CRYAB: variants seen among roughly 807,000 people sequenced by gnomAD.
The protein encoded by CRYAB is alpha-crystallin B chain.
Under a neutral mutation model 12.7 loss-of-function variants are expected in CRYAB, and 9 were observed. The observed-to-expected ratio is 0.71, with a 90% CI of 0.43 to 1.24. CRYAB has a LOEUF of 1.24. Among genes scored for constraint, CRYAB ranks in the 50% most tolerant of loss-of-function variants. CRYAB has a pLI of 0.00. For synonymous variants in CRYAB, 93 were observed against 86.8 expected (o/e 1.07, Z -0.40); for missense variants, 183 against 226.6 (o/e 0.81, Z 1.24).
chr11:111,913,609 T>G, upstream of CRYAB: 1 of 1,614,072 alleles, frequency 6.2e-7, no homozygotes, highest in Non-Finnish European at 8.5e-7. Context: ...CCAGACGAGG[T>G]GACTGTGAGG....
intron 1 of CRYAB, 98 bp from the exon 2 acceptor site, chr11:111,910,547 G>T: frequency 6.9e-7 from 1 of 1,440,360 alleles, no homozygotes; most frequent in Non-Finnish European, 9.7e-7. Context: ...TTTCTGTCCG[G>T]GTAATTCATC....
In CRYAB at chr11:111,911,686, G is replaced by A. The variant is rs1332378151; in HGVS notation, c.39C>T (p.Pro13=). The A allele has an allele frequency of 1.2e-6, 2 of 1,603,056 alleles. No homozygotes were observed. The highest frequency in any genetic ancestry group is 1.7e-6 in the Non-Finnish European group (2 of 1,175,104). ...IAIHHPWIRR[P]FFPFHSPSRL... ...GGCTGGGGGAGTGGAAAGGAAAGAAGGGGCGGCGGATCCAGGGGTGGTGGA... is the reference window on the plus strand; with the variant it reads ...GGCTGGGGGAGTGGAAAGGAAAGAAAGGGCGGCGGATCCAGGGGTGGTGGA... Residue 13 remains proline, a synonymous_variant, in exon 1 of 3, where the codon CCC becomes CCT. Transcript: ENST00000650687.
At chr11:111,913,494 C>G, upstream of CRYAB, 1 of 1,613,428 alleles carries the variant, frequency 6.2e-7, no homozygotes, top group Non-Finnish European at 8.5e-7. Context: ...CTACTATGTC[C>G]GGCCTCGGGC....
chr11:111,912,681 T>TC (rs201659950), upstream of CRYAB: 8,786 of 228,436 alleles, frequency 0.038, 576 homozygotes, highest in African/African-American at 0.22. Flanking sequence ...TCCCAGCCCC[T>TC]CCCCCCCCAA....
chr11:111,908,581 T>G lies in CRYAB; in HGVS notation c.*183A>C. 1.6e-6 allele frequency: 1 copy of G among 615,552 alleles called. No homozygotes were observed. Among genetic ancestry groups the G allele is most frequent in the East Asian group, 2.8e-5 (1 of 35,260 alleles). The allele number at this position is 615,552 out of a possible 1,614,324, so 38.1% of individuals were successfully genotyped here. Reference sequence around the variant, plus strand: ...TAAATAGATCTGTGGTATCTGTATATTTATTTAAAAGTGTGTGGAATATTC... The same window carrying G: ...TAAATAGATCTGTGGTATCTGTATAGTTATTTAAAAGTGTGTGGAATATTC... On this transcript the variant is annotated 3_prime_UTR_variant, in exon 3 of 3. Transcript: ENST00000650687.
chr11:111,920,959 C>G (rs140436731), intron 1 of CRYAB, among the ~76,000 whole-genome samples: 2 of 102,630 alleles, frequency 1.9e-5, no homozygotes, highest in East Asian at 5.6e-4. Flanking sequence ...TTTTGAAGAG[C>G]AAAGGATATA....
At chr11:111,912,991 C>T (rs1265303744), upstream of CRYAB, 1 of 1,232,526 alleles carries the variant, frequency 8.1e-7, no homozygotes, top group East Asian at 2.6e-5. Flanking sequence ...GACCTCCCAA[C>T]GTTGCTGGCC....
At chr11:111,922,960 T>C (rs1324051877) in intron 1 of CRYAB, among the ~76,000 whole-genome samples, 2 of 152,254 alleles carry the variant, frequency 1.3e-5, no homozygotes, top group African/African-American at 4.8e-5. Flanking sequence ...ATCGCCTGTG[T>C]ATCTAAATGA....
intron 2 of CRYAB, chr11:111,909,385 A>C (rs1376188447): frequency 8.4e-6 from 3 of 357,542 alleles, no homozygotes; most frequent in Non-Finnish European, 1.6e-5. Flanking sequence ...GAAATTAAAA[A>C]AAAAAAAAAA....
upstream of CRYAB, among the ~76,000 whole-genome samples, chr11:111,916,568 A>G (rs1349981061): frequency 6.6e-6 from 1 of 152,184 alleles, no homozygotes; most frequent in Non-Finnish European, 1.5e-5. Flanking sequence ...TCCACATCAC[A>G]TATTACCCAG....
At chr11:111,912,704 T>G, upstream of CRYAB, 24 of 255,794 alleles carry the variant, frequency 9.4e-5, no homozygotes, top group Middle Eastern at 3.1e-3. Context: ...GGCTCGGCAC[T>G]ATTTTGGGTG....
upstream of CRYAB, chr11:111,913,024 T>C: frequency 1.2e-6 from 1 of 827,456 alleles, no homozygotes; most frequent in Non-Finnish European, 1.9e-6. Context: ...TGGGCTTAAC[T>C]GATCTCCTGG....
chr11:111,913,227 CT>C (rs1336764600), upstream of CRYAB: 6 of 609,946 alleles, frequency 9.8e-6, no homozygotes, highest in East Asian at 1.6e-4. Flanking sequence ...CCTCCTCCTC[CT>C]TCTCCTCCTC....
upstream of CRYAB, chr11:111,912,890 C>G: frequency 1.2e-6 from 2 of 1,609,658 alleles, no homozygotes; most frequent in Non-Finnish European, 1.7e-6. Context: ...ATTTGCCAAC[C>G]CGAGCCGCCT....
At chr11:111,912,063 C>A, upstream of CRYAB, 1 of 284,760 alleles carries the variant, frequency 3.5e-6, no homozygotes, top group Non-Finnish European at 6.8e-6. Flanking sequence ...GAATCCCAAG[C>A]AGGCACGCGG....
upstream of CRYAB, chr11:111,911,883 C>A (rs1303762908): frequency 1.6e-6 from 1 of 626,034 alleles, no homozygotes. Flanking sequence ...ACTTGTGATC[C>A]GGGATTTGGC....
At chr11:111,916,471 C>T (rs1305107643), upstream of CRYAB, among the ~76,000 whole-genome samples, 2 of 152,242 alleles carry the variant, frequency 1.3e-5, no homozygotes, top group Non-Finnish European at 2.9e-5. Flanking sequence ...AATCTGCCCA[C>T]CTCGGCCTCC....
intron 1 of CRYAB, chr11:111,918,918 T>G (rs1592516496): frequency 6.2e-7 from 1 of 1,609,616 alleles, no homozygotes; most frequent in Non-Finnish European, 8.5e-7. Flanking sequence ...AACCCGGAAA[T>G]GCACAAGCCT....
upstream of CRYAB, chr11:111,914,028 C>A: frequency 1.2e-6 from 1 of 804,802 alleles, no homozygotes; most frequent in Non-Finnish European, 1.9e-6. Flanking sequence ...ATGGTTTGGT[C>A]CCATGGGACA....
Sources: allele counts gnomAD v4.1 joint callset (sites outside exome capture counted in the v4.1 genomes callset), GRCh38; gene constraint gnomAD v4.1.1; transcripts MANE v1.5; gene names NCBI Gene and HGNC (gene_info 2026-07-23, HGNC 2026-07-21).